The following KCNN3 variants were observed in gnomAD, a reference collection of about 807,000 sequenced individuals.
KCNN3 encodes small conductance calcium-activated potassium channel protein 3.
Under a neutral mutation model 62.9 loss-of-function variants are expected in KCNN3, and 16 were observed. That is an observed-to-expected ratio of 0.25 (90% confidence interval 0.17 to 0.39). KCNN3 has a LOEUF of 0.39. KCNN3 is among the 10% of genes least tolerant of loss of function. KCNN3 has a pLI of 1.00. For missense variants in KCNN3, 599 were observed against 949.4 expected (o/e 0.63, Z 4.85); for synonymous variants, 370 against 389.2 (o/e 0.95, Z 0.58).
intron 1 of KCNN3, among the ~76,000 whole-genome samples, chr1:154,847,587 G>A (rs949233692): frequency 3.3e-5 from 5 of 152,180 alleles, no homozygotes; most frequent in Non-Finnish European, 2.9e-5. Flanking sequence ...CACATGATTA[G>A]AAGTCCCTAG....
intron 1 of KCNN3, among the ~76,000 whole-genome samples, chr1:154,847,815 C>T (rs957952156): frequency 3.3e-5 from 5 of 152,212 alleles, no homozygotes; most frequent in African/African-American, 7.2e-5. Flanking sequence ...CGTAATTACA[C>T]CTGTGTGATG....
At chr1:154,737,365 T>C (rs1700732962) in intron 3 of KCNN3, among the ~76,000 whole-genome samples, 1 of 152,124 alleles carries the variant, frequency 6.6e-6, no homozygotes, top group Non-Finnish European at 1.5e-5. Context: ...AAATGAGAGA[T>C]ACAAAAGACT....
At chr1:154,857,695 G>C (rs776244350) in intron 1 of KCNN3, among the ~76,000 whole-genome samples, 2 of 152,140 alleles carry the variant, frequency 1.3e-5, no homozygotes, top group Non-Finnish European at 2.9e-5. Flanking sequence ...GTGAGACCCT[G>C]AGCAAGTCAC....
At chr1:154,868,922 CTCTCTCTCTCTCTCAA>C (rs572958836) in intron 1 of KCNN3, 94 bp downstream of exon 1, 2 of 1,074,322 alleles carry the variant, frequency 1.9e-6, no homozygotes, top group African/African-American at 3.2e-5. Context: ...CTCTCTCTCT[CTCTCTCTCTCTCTCAA>C]TCTCTCTCTC....
chr1:154,846,951 G>T (rs1652087850), intron 1 of KCNN3, among the ~76,000 whole-genome samples: 2 of 152,128 alleles, frequency 1.3e-5, no homozygotes, highest in South Asian at 4.1e-4. Flanking sequence ...CCCACACATG[G>T]ATGTGACCAA....
chr1:154,822,250 G>T, intron 1 of KCNN3, 66 bp from the exon 2 acceptor site: 2 of 1,229,956 alleles, frequency 1.6e-6, no homozygotes, highest in South Asian at 1.2e-5. Context: ...TTTATTCTGC[G>T]GCTGTGTAAA....
At chr1:154,739,171 T>G (rs1218031091) in intron 3 of KCNN3, among the ~76,000 whole-genome samples, 1 of 152,208 alleles carries the variant, frequency 6.6e-6, no homozygotes, top group Non-Finnish European at 1.5e-5. Context: ...TGGGAAGAGC[T>G]GGTGGAAGAC....
chr1:154,770,366 C>T (rs145619516), intron 3 of KCNN3, among the ~76,000 whole-genome samples: 183 of 152,312 alleles, frequency 1.2e-3, no homozygotes, highest in African/African-American at 4.2e-3. Flanking sequence ...TGTCTGCAAA[C>T]AGAATGTCTC....
chr1:154,835,602 A>T (rs1651555112), intron 1 of KCNN3, among the ~76,000 whole-genome samples: 1 of 152,172 alleles, frequency 6.6e-6, no homozygotes, highest in African/African-American at 2.4e-5. Flanking sequence ...GGTTTATTTC[A>T]TCAATTATGG....
At chr1:154,751,725 T>G (rs1270950107) in intron 3 of KCNN3, among the ~76,000 whole-genome samples, 1 of 152,192 alleles carries the variant, frequency 6.6e-6, no homozygotes, top group Non-Finnish European at 1.5e-5. Context: ...CAGAGACTCC[T>G]TCGTCCACTG....
chr1:154,701,583 A>G lies in KCNN3; in HGVS notation c.*6393T>C, dbSNP rs1699853663. Reference sequence around the variant, plus strand: ...TATAAAGGACAATATCTCAACGGGAACCCTTTATTTCCTCCCAGCTAGAGG... The same window carrying G: ...TATAAAGGACAATATCTCAACGGGAGCCCTTTATTTCCTCCCAGCTAGAGG... On this transcript the variant is annotated 3_prime_UTR_variant, in exon 8 of 8. Transcript: ENST00000271915. 6.6e-6 allele frequency: 1 copy of G among 152,140 alleles called. No individual in the cohort carries two copies. Among genetic ancestry groups the G allele is most frequent in the Admixed American group, 6.5e-5 (1 of 15,270 alleles). 9.4% of individuals were successfully genotyped at this position (152,140 alleles called of 1,614,324 possible). A position where few individuals can be genotyped will look rare whatever the true frequency, so the allele number is the denominator to read the frequency against.
chr1:154,763,310 C>T (rs1049733391), intron 3 of KCNN3, among the ~76,000 whole-genome samples: 6 of 152,008 alleles, frequency 3.9e-5, no homozygotes, highest in Non-Finnish European at 5.9e-5. Flanking sequence ...ACTTAATCTT[C>T]CCTCCTGAGG....
rs1170996254 is a variant in KCNN3 at position 154,705,478 on chromosome 1, T to C, written c.*2498A>G. 2 of 117,622 alleles carry C rather than the reference T, an allele frequency of 1.7e-5. No individual in the cohort carries two copies. The highest frequency in any genetic ancestry group is 5.8e-5 in the African/African-American group (2 of 34,346). The allele number at this position is 117,622 out of a possible 1,614,324, so 7.3% of individuals were successfully genotyped here. A position where few individuals can be genotyped will look rare whatever the true frequency, so the allele number is the denominator to read the frequency against. On this transcript the variant is annotated 3_prime_UTR_variant, in exon 8 of 8. Coordinates refer to ENST00000271915, the MANE Select transcript of KCNN3 (RefSeq NM_002249.6). The stretch of plus-strand genomic sequence containing the variant: ...GGTCAATTCATGCTACAAATGTCCA[T>C]GTGTTTCTAGGATGCCAGTGGCTAC...
intron 1 of KCNN3, among the ~76,000 whole-genome samples, chr1:154,845,805 C>T (rs558337704): frequency 6.6e-6 from 1 of 152,318 alleles, no homozygotes; most frequent in East Asian, 1.9e-4. Context: ...GGGCCCCTTC[C>T]ACAACCCTGC....
At chr1:154,766,615 T>C (rs1247949238) in intron 3 of KCNN3, among the ~76,000 whole-genome samples, 1 of 149,086 alleles carries the variant, frequency 6.7e-6, no homozygotes, top group Non-Finnish European at 1.5e-5. Flanking sequence ...CTTGCAGGCT[T>C]CCATCAACCC....
chr1:154,765,031 T>A (rs1648193184), intron 3 of KCNN3, among the ~76,000 whole-genome samples: 1 of 152,168 alleles, frequency 6.6e-6, no homozygotes, highest in Admixed American at 6.6e-5. Context: ...GAATTTAGGG[T>A]TCCTGAGGGA....
chr1:154,755,804 GAA>G (rs1647647819), intron 3 of KCNN3, among the ~76,000 whole-genome samples: 1 of 144,048 alleles, frequency 6.9e-6, no homozygotes, highest in Non-Finnish European at 1.5e-5. Flanking sequence ...GGAGGAGGAA[GAA>G]GAAGAAGGCA....
chr1:154,718,083 G>T (rs543527562), intron 5 of KCNN3, among the ~76,000 whole-genome samples: 2 of 152,282 alleles, frequency 1.3e-5, no homozygotes, highest in African/African-American at 2.4e-5. Context: ...TGCTCTCAGG[G>T]TGCAGCAGTG....
chr1:154,755,857 A>C (rs1435056747), intron 3 of KCNN3, among the ~76,000 whole-genome samples: 8 of 139,332 alleles, frequency 5.7e-5, no homozygotes, highest in African/African-American at 2.2e-4. Context: ...AGGAAGAAGG[A>C]AGAAGAAGGA....
Sources: gnomAD v4.1 joint callset for allele counts (sites outside exome capture counted in the v4.1 genomes callset) on GRCh38, gnomAD v4.1.1 for gene constraint, MANE v1.5 for transcripts, NCBI Gene and HGNC (gene_info 2026-07-23, HGNC 2026-07-21) for gene names.